The following FAM24B variants were observed in gnomAD, a reference collection of about 807,000 sequenced individuals.
FAM24B encodes the protein family with sequence similarity 24 member B, also known as protein FAM24B.
In FAM24B, 3 loss-of-function variants were observed where a neutral mutation model predicts 2.3. That is an observed-to-expected ratio of 1.29 (90% CI 0.59 to 3.32). The LOEUF (loss-of-function observed/expected upper bound fraction) is 3.32, where lower values mean the gene tolerates loss of function less well. Ranked by LOEUF, FAM24B falls within the 30% of genes most tolerant of loss-of-function variation. The probability of loss-of-function intolerance (pLI) is 0.03; values close to 1 mark genes in which losing one functional copy is unlikely to be tolerated. For synonymous variants in FAM24B, 36 were observed against 46.3 expected, an observed-to-expected ratio of 0.78 and a Z score of 0.90; for missense variants, 98 against 117.2, an observed-to-expected ratio of 0.84 and a Z score of 0.76.
At chr10:122,879,461 G>C (rs1459783849) in intron 1 of FAM24B, 24 bp downstream of exon 1, 1 of 152,312 alleles carries the variant, frequency 6.6e-6, no homozygotes, top group Non-Finnish European at 1.5e-5. Flanking sequence ...TGCACATCGC[G>C]TAGAGCGAAG....
chr10:122,854,617 C>T (rs777388438), intron 2 of FAM24B, among the ~76,000 whole-genome samples: 19 of 152,130 alleles, frequency 1.2e-4, no homozygotes, highest in Non-Finnish European at 2.5e-4. Flanking sequence ...TGTTTTCATT[C>T]GAAGCAATAT....
At chr10:122,871,737 T>G (rs1489795659) in intron 1 of FAM24B, among the ~76,000 whole-genome samples, 1 of 152,086 alleles carries the variant, frequency 6.6e-6, no homozygotes. Context: ...TAGCCATATG[T>G]AGAAAGCTGA....
intron 1 of FAM24B, among the ~76,000 whole-genome samples, chr10:122,857,837 A>G (rs1847663530): frequency 6.6e-6 from 1 of 152,222 alleles, no homozygotes. Context: ...AGCTTTGAAA[A>G]GGAACAAAAG....
At chr10:122,866,527 G>C (rs945583334) in intron 1 of FAM24B, among the ~76,000 whole-genome samples, 1 of 152,040 alleles carries the variant, frequency 6.6e-6, no homozygotes, top group African/African-American at 2.4e-5. Context: ...AGGTCTATCA[G>C]TGCCATTTTT....
At chr10:122,857,362 C>T (rs916692411) in intron 1 of FAM24B, among the ~76,000 whole-genome samples, 1 of 152,250 alleles carries the variant, frequency 6.6e-6, no homozygotes, top group East Asian at 1.9e-4. Flanking sequence ...CTTTGCCTAC[C>T]ATGAGGTTAC....
intron 1 of FAM24B, among the ~76,000 whole-genome samples, chr10:122,860,579 T>C (rs1175930917): frequency 6.6e-6 from 1 of 152,240 alleles, no homozygotes; most frequent in African/African-American, 2.4e-5. Flanking sequence ...TCTGACTTTA[T>C]AAAAAACTGC....
At chr10:122,860,755 T>A (rs1311637004) in intron 1 of FAM24B, among the ~76,000 whole-genome samples, 1 of 152,264 alleles carries the variant, frequency 6.6e-6, no homozygotes, top group Non-Finnish European at 1.5e-5. Flanking sequence ...TGTTATTATT[T>A]GATTTATTAC....
Position 122,849,583 on chromosome 10 carries a change from A to G in FAM24B, c.93-144T>C, listed in dbSNP as rs111560722. The G allele has an allele frequency of 3.9e-3, 2,448 of 633,770 alleles. 34 individuals carry two copies. Among genetic ancestry groups the G allele is most frequent in the African/African-American group, 0.019 (991 of 53,536 alleles). The allele number at this position is 633,770 out of a possible 1,614,324, so 39.3% of individuals were successfully genotyped here. A position where few individuals can be genotyped will look rare whatever the true frequency, so the allele number is the denominator to read the frequency against. On this transcript the variant is annotated intron_variant, in intron 3 of 3. Transcript: ENST00000368898. ...GCCCTACATTAAAGCTCTCTCCCCC[A>G]TCCCAAGTTCCTCTCGAATCCTTTC...
At chr10:122,876,403 A>C (rs1847977650) in intron 1 of FAM24B, among the ~76,000 whole-genome samples, 1 of 152,336 alleles carries the variant, frequency 6.6e-6, no homozygotes, top group South Asian at 2.1e-4. Flanking sequence ...TGCTGAGGGC[A>C]GTTTTCAAAA....
intron 1 of FAM24B, among the ~76,000 whole-genome samples, chr10:122,858,026 CA>C (rs1309400183): frequency 3.3e-5 from 5 of 152,128 alleles, no homozygotes; most frequent in African/African-American, 1.2e-4. Flanking sequence ...CTAGAAATAC[CA>C]TTTGACCCAG....
At chr10:122,859,378 A>G in intron 1 of FAM24B, among the ~76,000 whole-genome samples, 1 of 152,228 alleles carries the variant, frequency 6.6e-6, no homozygotes, top group East Asian at 1.9e-4. Flanking sequence ...ATCAGAACAG[A>G]GGCAGCCATT....
At chr10:122,872,935 A>G (rs946316405) in intron 1 of FAM24B, among the ~76,000 whole-genome samples, 5 of 152,196 alleles carry the variant, frequency 3.3e-5, no homozygotes, top group Non-Finnish European at 7.3e-5. Flanking sequence ...TTAAAGTATA[A>G]CAATACAAAA....
chr10:122,866,523 A>G (rs998018170), intron 1 of FAM24B, among the ~76,000 whole-genome samples: 2 of 152,100 alleles, frequency 1.3e-5, no homozygotes, highest in African/African-American at 4.8e-5. Flanking sequence ...AAGAAGGTCT[A>G]TCAGTGCCAT....
intron 1 of FAM24B, among the ~76,000 whole-genome samples, 198 bp downstream of exon 1, chr10:122,879,287 G>A (rs1848035750): frequency 6.6e-6 from 1 of 152,256 alleles, no homozygotes. Flanking sequence ...CCCCTCTAAC[G>A]CGAGAATGTG....
intron 1 of FAM24B, among the ~76,000 whole-genome samples, chr10:122,860,319 G>A (rs1847707749): frequency 6.6e-6 from 1 of 152,124 alleles, no homozygotes. Context: ...CTGGCGTTGT[G>A]CACTTAAGAA....
At chr10:122,854,899 C>T (rs1484002088) in intron 2 of FAM24B, among the ~76,000 whole-genome samples, 1 of 152,214 alleles carries the variant, frequency 6.6e-6, no homozygotes, top group Non-Finnish European at 1.5e-5. Context: ...GTGCAAACAC[C>T]CCGATGCCTG....
intron 1 of FAM24B, among the ~76,000 whole-genome samples, chr10:122,857,251 T>C (rs1219998235): frequency 6.6e-6 from 1 of 152,078 alleles, no homozygotes; most frequent in African/African-American, 2.4e-5. Context: ...GACACAAGAG[T>C]GACATTCCAT....
intron 2 of FAM24B, among the ~76,000 whole-genome samples, chr10:122,853,697 C>T (rs1016499090): frequency 6.6e-6 from 1 of 152,088 alleles, no homozygotes; most frequent in Non-Finnish European, 1.5e-5. Context: ...TGAGATCAGC[C>T]TTGGCAATAT....
At chr10:122,872,585 A>G (rs1360085918) in intron 1 of FAM24B, among the ~76,000 whole-genome samples, 1 of 152,198 alleles carries the variant, frequency 6.6e-6, no homozygotes, top group African/African-American at 2.4e-5. Context: ...GCACATATAC[A>G]CCATGGAATA....
Sources: gnomAD v4.1 joint callset for allele counts (sites outside exome capture counted in the v4.1 genomes callset) on GRCh38, gnomAD v4.1.1 for gene constraint, MANE v1.5 for transcripts, NCBI Gene and HGNC (gene_info 2026-07-23, HGNC 2026-07-21) for gene names.